The following FTL variants were observed in gnomAD, a reference collection of about 807,000 sequenced individuals.
The protein encoded by FTL is epididymis secretory sperm binding protein.
Under a neutral mutation model 16.6 loss-of-function variants are expected in FTL, and 17 were observed. That is an observed-to-expected ratio of 1.02 (90% CI 0.70 to 1.53). The LOEUF is 1.53. Ranked by LOEUF, FTL falls within the 40% of genes most tolerant of loss-of-function variation. The pLI is 0.00. For missense variants in FTL, 186 were observed against 226.1 expected, an observed-to-expected ratio of 0.82 and a Z score of 1.14; for synonymous variants, 73 against 89.9, an observed-to-expected ratio of 0.81 and a Z score of 1.06.
Position 48,965,898 on chromosome 19 carries a change from T to C in FTL, c.231T>C (p.Ala77=). 2 of 1,614,096 alleles carry C rather than the reference T, an allele frequency of 1.2e-6. No individual in the cohort carries two copies. Among genetic ancestry groups the C allele is most frequent in the Non-Finnish European group, 1.7e-6 (2 of 1,179,990 alleles). ...LKMQNQRGGR[A]LFQDIKKPAE... ...TGCAAAACCAGCGTGGCGGCCGCGC[T>C]CTCTTCCAGGACATCAAGGTAACTA... Residue 77 remains alanine, a synonymous_variant, in exon 2 of 4, where the codon GCT becomes GCC. Transcript: ENST00000331825.
intron 1 of FTL, 28 bp from the exon 2 acceptor site, chr19:48,965,742 C>A (rs1040657696): frequency 2.5e-5 from 40 of 1,614,018 alleles, no homozygotes; most frequent in Non-Finnish European, 3.4e-5. Context: ...CTCCCGCTAA[C>A]CATTGTTGCC....
chr19:48,965,895 CG>C lies in FTL; in HGVS notation c.229del (p.Ala77LeufsTer21), dbSNP rs1568612494. 1 of 1,614,144 alleles carries C rather than the reference CG, an allele frequency of 6.2e-7. No individual in the cohort carries two copies. The highest frequency in any genetic ancestry group is 1.7e-5 in the Admixed American group (1 of 60,010). On this transcript the variant is annotated frameshift_variant, in exon 2 of 4. Coordinates refer to ENST00000331825, the MANE Select transcript of FTL (RefSeq NM_000146.4). ...LKMQNQRGGR[A>X]LFQDIKKPAE... ...AGATGCAAAACCAGCGTGGCGGCCG[CG>C]CTCTCTTCCAGGACATCAAGGTAAC...
In FTL at chr19:48,965,853, C is replaced by G; in HGVS notation, c.186C>G (p.Gly62=). The G allele has an allele frequency of 1.2e-6, 2 of 1,614,200 alleles. No homozygotes were observed. Among genetic ancestry groups the G allele is most frequent in the Non-Finnish European group, 1.7e-6 (2 of 1,180,030 alleles). Reference sequence around the variant, plus strand: ...AATTGGCCGAGGAGAAGCGCGAGGGCTACGAGCGTCTCCTGAAGATGCAAA... The same window carrying G: ...AATTGGCCGAGGAGAAGCGCGAGGGGTACGAGCGTCTCCTGAAGATGCAAA... ...FRELAEEKRE[G]YERLLKMQNQ... The change falls in exon 2 of 4, where the codon GGC becomes GGG. Residue 62 remains glycine (G), a synonymous_variant. Coordinates refer to ENST00000331825, the MANE Select transcript of FTL (RefSeq NM_000146.4).
intron 3 of FTL, 73 bp from the exon 4 acceptor site, chr19:48,966,510 A>G (rs938779034): frequency 1.2e-6 from 2 of 1,612,024 alleles, no homozygotes; most frequent in African/African-American, 2.7e-5. Flanking sequence ...GTCACATTTT[A>G]ATCTGCAACT....
rs1428178326 is a variant in FTL at position 48,965,565 on chromosome 19, C to T, written c.58C>T (p.Leu20=). 6.2e-7 allele frequency: 1 copy of T among 1,613,976 alleles called. No individual in the cohort carries two copies. The highest frequency in any genetic ancestry group is 1.3e-5 in the African/African-American group (1 of 74,928). The part of the protein sequence containing the change: ...STDVEAAVNS[L]VNLYLQASYT... ...CGACGTGGAGGCAGCCGTCAACAGC[C>T]TGGTCAATTTGTACCTGCAGGCCTC... The change falls in exon 1 of 4, where the codon CTG becomes TTG. Residue 20 remains leucine (L), a synonymous_variant. Coordinates refer to ENST00000331825, the MANE Select transcript of FTL (RefSeq NM_000146.4).
At position 48,965,835 on chromosome 19, in the gene FTL, C is replaced by T; in HGVS notation, c.168C>T (p.Ala56=). The change falls in exon 2 of 4, where the codon GCC becomes GCT. Residue 56 remains alanine (A), a synonymous_variant. Coordinates refer to ENST00000331825, the MANE Select transcript of FTL (RefSeq NM_000146.4). ...EGVSHFFREL[A]EEKREGYERL... ...TGAGCCACTTCTTCCGCGAATTGGC[C>T]GAGGAGAAGCGCGAGGGCTACGAGC... 4 of 1,614,154 alleles carry T rather than the reference C, an allele frequency of 2.5e-6. No homozygotes were observed. The highest frequency in any genetic ancestry group is 3.4e-6 in the Non-Finnish European group (4 of 1,180,024).
Position 48,966,622 on chromosome 19 carries a change from G to T in FTL, c.415G>T (p.Val139Leu). 1 of 1,614,124 alleles carries T rather than the reference G, an allele frequency of 6.2e-7. No individual in the cohort carries two copies. The highest frequency in any genetic ancestry group is 8.5e-7 in the Non-Finnish European group (1 of 1,180,010). ...FLETHFLDEE[V>L]KLIKKMGDHL... ...GGAGACTCACTTCCTAGATGAGGAA[G>T]TGAAGCTTATCAAGAAGATGGGTGA... Residue 139 changes from valine (V) to leucine (L), a missense_variant, in exon 4 of 4, where the codon GTG becomes TTG. Coordinates refer to ENST00000331825, the MANE Select transcript of FTL (RefSeq NM_000146.4).
rs955876864 is a variant in FTL at position 48,965,324 on chromosome 19, C to T, written c.-184C>T. ...ACGTCCCCTCGCAGTTCGGCGGTCC[C>T]GCGGGTCTGTCTCTTGCTTCAACAG... On this transcript the variant is annotated 5_prime_UTR_variant, in exon 1 of 4. Transcript: ENST00000331825. The T allele has an allele frequency of 4.0e-5, 25 of 632,146 alleles. No individual in the cohort carries two copies. The highest frequency in any genetic ancestry group is 6.7e-5 in the Non-Finnish European group (23 of 344,610). 39.2% of individuals were successfully genotyped at this position (632,146 alleles called of 1,614,324 possible).
chr19:48,966,621 A>G lies in FTL; in HGVS notation c.414A>G (p.Glu138=), dbSNP rs2122435853. The change falls in exon 4 of 4, where the codon GAA becomes GAG. Residue 138 remains glutamate, a synonymous_variant. Transcript: ENST00000331825. ...TGGAGACTCACTTCCTAGATGAGGA[A>G]GTGAAGCTTATCAAGAAGATGGGTG... is the stretch of plus-strand genomic sequence containing the variant. The part of the protein sequence containing the change: ...DFLETHFLDE[E]VKLIKKMGDH... 1 of 1,614,038 alleles carries G rather than the reference A, an allele frequency of 6.2e-7. No individual in the cohort carries two copies. The highest frequency in any genetic ancestry group is 2.2e-5 in the East Asian group (1 of 44,868).
chr19:48,966,041 A>T lies in FTL; in HGVS notation c.249+125A>T, dbSNP rs762844833. The T allele has an allele frequency of 6.0e-6, 8 of 1,330,500 alleles. No individual in the cohort carries two copies. In the African/African-American group the frequency reaches 1.0e-4, roughly 17 times the overall value. 82.4% of individuals were successfully genotyped at this position (1,330,500 alleles called of 1,614,324 possible). A position where few individuals can be genotyped will look rare whatever the true frequency, so the allele number is the denominator to read the frequency against. On this transcript the variant is annotated intron_variant, in intron 2 of 3. Transcript: ENST00000331825. ...TGAGTTCGGTCTTGTGAGCCCTCTT[A>T]ACCGCTGGAAATAGAGGCGCACCTC...
chr19:48,965,654 C>T, intron 1 of FTL, 45 bp downstream of exon 1: 3 of 1,599,652 alleles, frequency 1.9e-6, no homozygotes, highest in Non-Finnish European at 2.6e-6. Flanking sequence ...TCCAGCTGCG[C>T]ACCTCCGGCC....
Position 48,965,800 on chromosome 19 carries a change from C to G in FTL, c.133C>G (p.Leu45Val). 1 of 1,614,184 alleles carries G rather than the reference C, an allele frequency of 6.2e-7. No individual in the cohort carries two copies. The highest frequency in any genetic ancestry group is 8.5e-7 in the Non-Finnish European group (1 of 1,180,032). The change falls in exon 2 of 4, where the codon CTG (leucine) becomes GTG (valine). Residue 45 changes from leucine (L) to valine (V), a missense_variant. Leu to Val is a conservative substitution (Grantham distance 32, BLOSUM62 1). Transcript: ENST00000331825. ...GFYFDRDDVA[L>V]EGVSHFFREL... ...CTATTTCGACCGCGATGATGTGGCT[C>G]TGGAAGGCGTGAGCCACTTCTTCCG...
chr19:48,965,952 GCAGGCC>G, intron 2 of FTL, 36 bp downstream of exon 2: 1 of 1,610,446 alleles, frequency 6.2e-7, no homozygotes, highest in East Asian at 2.2e-5. Context: ...ACATCTCCCA[GCAGGCC>G]GTGCGCGCGA....
In FTL at chr19:48,965,822, T is replaced by G. The variant is rs543242420; in HGVS notation, c.155T>G (p.Phe52Cys). 1.5e-4 allele frequency: 238 copies of G among 1,614,184 alleles called. No homozygotes were observed. The highest frequency in any genetic ancestry group is 2.0e-4 in the Non-Finnish European group (232 of 1,180,036). ...GCTCTGGAAGGCGTGAGCCACTTCT[T>G]CCGCGAATTGGCCGAGGAGAAGCGC... ...DVALEGVSHFFRELAEEKREG... is the reference protein window; with the variant it reads ...DVALEGVSHFCRELAEEKREG... Residue 52 changes from phenylalanine (F) to cysteine (C), a missense_variant, in exon 2 of 4, where the codon TTC (phenylalanine) becomes TGC (cysteine). Transcript: ENST00000331825.
intron 2 of FTL, 70 bp downstream of exon 2, chr19:48,965,986 G>T: frequency 6.4e-7 from 1 of 1,573,374 alleles, no homozygotes; most frequent in Non-Finnish European, 8.7e-7. Context: ...TGATTTGAGG[G>T]CGTAGGTGTC....
At chr19:48,965,676 C>A (rs955908275) in intron 1 of FTL, 67 bp downstream of exon 1, 1 of 1,603,106 alleles carries the variant, frequency 6.2e-7, no homozygotes, top group African/African-American at 1.3e-5. Context: ...TCACTGCACG[C>A]GCCAGCCTTC....
intron 3 of FTL, 43 bp downstream of exon 3, chr19:48,966,449 A>G (rs1312273599): frequency 6.2e-7 from 1 of 1,613,888 alleles, no homozygotes; most frequent in South Asian, 1.1e-5. Context: ...CATACCCCTC[A>G]AGCCTCTGCT....
Position 48,965,857 on chromosome 19 carries a change from G to C in FTL, c.190G>C (p.Glu64Gln), listed in dbSNP as rs11553225. Residue 64 changes from glutamate (E) to glutamine (Q), a missense_variant, in exon 2 of 4, where the codon GAG (glutamate) becomes CAG (glutamine). Glu to Gln is a conservative substitution (Grantham distance 29, BLOSUM62 2). Transcript: ENST00000331825. ...ELAEEKREGYERLLKMQNQRG... is the reference protein window; with the variant it reads ...ELAEEKREGYQRLLKMQNQRG... ...GGCCGAGGAGAAGCGCGAGGGCTAC[G>C]AGCGTCTCCTGAAGATGCAAAACCA... The C allele has an allele frequency of 6.2e-7, 1 of 1,614,048 alleles. No homozygotes were observed. Among genetic ancestry groups the C allele is most frequent in the Non-Finnish European group, 8.5e-7 (1 of 1,180,044 alleles).
rs554996679 is a variant in FTL at position 48,966,162 on chromosome 19, A to G, written c.250-119A>G. 5.3e-5 allele frequency: 77 copies of G among 1,451,160 alleles called. No individual in the cohort carries two copies. The African/African-American group carries it at 1.1e-3, about 20-fold the overall frequency. The allele number at this position is 1,451,160 out of a possible 1,614,324, so 89.9% of individuals were successfully genotyped here. On this transcript the variant is annotated intron_variant, in intron 2 of 3. Transcript: ENST00000331825. ...GGACAGGGTGCGGAGAGTGATAAAT[A>G]CAAGCTGTCACATGTCTTTGTGGCC...
Sources: gnomAD v4.1 joint callset for allele counts on GRCh38, gnomAD v4.1.1 for gene constraint, MANE v1.5 for transcripts, NCBI Gene and HGNC (gene_info 2026-07-23, HGNC 2026-07-21) for gene names.